The following SRXN1 variants were observed in gnomAD, a reference collection of about 807,000 sequenced individuals.
SRXN1 encodes sulfiredoxin 1.
Under a neutral mutation model 11.0 loss-of-function variants are expected in SRXN1, and 11 were observed. That is an observed-to-expected ratio of 1.00 (90% CI 0.63 to 1.65). The LOEUF is 1.65. Among genes scored for constraint, SRXN1 ranks in the 40% most tolerant of loss-of-function variants. The pLI is 0.00. For synonymous variants in SRXN1, 106 were observed against 92.8 expected, an observed-to-expected ratio of 1.14 and a Z score of -0.82; for missense variants, 211 against 194.5, an observed-to-expected ratio of 1.08 and a Z score of -0.50.
At chr20:652,693 G>A (rs1023975275) in intron 1 of SRXN1, among the ~76,000 whole-genome samples, 1 of 152,222 alleles carries the variant, frequency 6.6e-6, no homozygotes, top group Non-Finnish European at 1.5e-5. Flanking sequence ...GTTGGCATAG[G>A]AAACTGAGGG....
At chr20:652,780 A>C (rs1233123732) in intron 1 of SRXN1, among the ~76,000 whole-genome samples, 196 bp downstream of exon 1, 1 of 152,140 alleles carries the variant, frequency 6.6e-6, no homozygotes, top group Non-Finnish European at 1.5e-5. Flanking sequence ...ATCTCGCCCA[A>C]TTCCCTCCTT....
chr20:651,091 T>C (rs1016992518), intron 1 of SRXN1, among the ~76,000 whole-genome samples: 2 of 152,208 alleles, frequency 1.3e-5, no homozygotes, highest in Admixed American at 6.5e-5. Flanking sequence ...CTTGGCCTGA[T>C]GTTGCTGGCT....
Position 648,048 on chromosome 20 carries a change from G to A in SRXN1, c.*666C>T, listed in dbSNP as rs755072033. On this transcript the variant is annotated 3_prime_UTR_variant, in exon 2 of 2. Coordinates refer to ENST00000381962, the MANE Select transcript of SRXN1 (RefSeq NM_080725.3). ...CTAAGTGAAGATATGCAGAGGGAGA[G>A]AGCAGGAAACAGACTTCTGACGAGG... is the stretch of plus-strand genomic sequence containing the variant. 1 of 456,160 alleles carries A rather than the reference G, an allele frequency of 2.2e-6. No homozygotes were observed. 28.3% of individuals were successfully genotyped at this position (456,160 alleles called of 1,614,324 possible).
At position 648,471 on chromosome 20, in the gene SRXN1, C is replaced by A. The variant is rs1253617705; in HGVS notation, c.*243G>T. 1 of 649,718 alleles carries A rather than the reference C, an allele frequency of 1.5e-6. No homozygotes were observed. Among genetic ancestry groups the A allele is most frequent in the Admixed American group, 2.1e-5 (1 of 47,450 alleles). 40.2% of individuals were successfully genotyped at this position (649,718 alleles called of 1,614,324 possible). ...GCTCTTCAAGCCCATCTCTGTTCTC[C>A]TTCTCGGTAATGCTTCAAGGGTAAG... On this transcript the variant is annotated 3_prime_UTR_variant, in exon 2 of 2. Coordinates refer to ENST00000381962, the MANE Select transcript of SRXN1 (RefSeq NM_080725.3).
In SRXN1 at chr20:653,135, C is replaced by CT; in HGVS notation, c.50_51insA (p.Ala18GlyfsTer74). ...CGCTCGGCCCGGGCCCCTCGGGCGCCCCCCGACCCGCGCCGGCCCTGCCCA... is the reference window on the plus strand; with the variant it reads ...CGCTCGGCCCGGGCCCCTCGGGCGCCTCCCCGACCCGCGCCGGCCCTGCCCA... On this transcript the variant is annotated frameshift_variant, in exon 1 of 2. Transcript: ENST00000381962. LOFTEE classifies it high-confidence loss of function. 7.7e-7 allele frequency: 1 copy of CT among 1,291,050 alleles called. No homozygotes were observed. The highest frequency in any genetic ancestry group is 9.7e-7 in the Non-Finnish European group (1 of 1,025,774). The allele number at this position is 1,291,050 out of a possible 1,614,324, so 80.0% of individuals were successfully genotyped here. A position where few individuals can be genotyped will look rare whatever the true frequency, so the allele number is the denominator to read the frequency against.
At chr20:649,504 C>T (rs577860686) in intron 1 of SRXN1, among the ~76,000 whole-genome samples, 17 of 152,236 alleles carry the variant, frequency 1.1e-4, no homozygotes, top group African/African-American at 4.1e-4. Context: ...GAGTTTGAGA[C>T]CAGCCTGGCC....
Position 653,114 on chromosome 20 carries a change from C to A in SRXN1, c.72G>T (p.Pro24=). The part of the protein sequence containing the change: ...AGRGAPEGPG[P]SGGAQGGSIH... ...TGCTGCCGCCCTGCGCGCCGCCGCT[C>A]GGCCCGGGCCCCTCGGGCGCCCCCC... Residue 24 remains proline, a synonymous_variant, in exon 1 of 2, where the codon CCG becomes CCT. Transcript: ENST00000381962. 7.4e-7 allele frequency: 1 copy of A among 1,344,388 alleles called. No homozygotes were observed. The highest frequency in any genetic ancestry group is 1.9e-5 in the South Asian group (1 of 51,516). The allele number at this position is 1,344,388 out of a possible 1,614,324, so 83.3% of individuals were successfully genotyped here.
chr20:652,738 G>C (rs1983705035), intron 1 of SRXN1, among the ~76,000 whole-genome samples: 1 of 152,218 alleles, frequency 6.6e-6, no homozygotes, highest in Non-Finnish European at 1.5e-5. Flanking sequence ...GCAAGCACTA[G>C]CGTTATAAGC....
Position 648,727 on chromosome 20 carries a change from G to A in SRXN1, c.401C>T (p.Pro134Leu), listed in dbSNP as rs757969010. ...CCAAGGAGGCTGCTACTGCAAGTCT[G>A]GTGTGGATGCTCCCAGGTACACCCT... ...DLRVYLGAST[P>L]DLQ The change falls in exon 2 of 2, where the codon CCA becomes CTA. Residue 134 changes from proline (P) to leucine (L), a missense_variant. Coordinates refer to ENST00000381962, the MANE Select transcript of SRXN1 (RefSeq NM_080725.3). 26 of 1,614,102 alleles carry A rather than the reference G, an allele frequency of 1.6e-5. No homozygotes were observed. The highest frequency in any genetic ancestry group is 2.1e-5 in the Non-Finnish European group (25 of 1,180,032).
chr20:649,037 A>T, intron 1 of SRXN1, 120 bp from the exon 2 acceptor site: 1 of 1,032,066 alleles, frequency 9.7e-7, no homozygotes, highest in Non-Finnish European at 1.4e-6. Context: ...ACTGTGAGAG[A>T]CAACTGTTAA....
At chr20:652,616 G>A (rs890631340) in intron 1 of SRXN1, among the ~76,000 whole-genome samples, 1 of 152,132 alleles carries the variant, frequency 6.6e-6, no homozygotes, top group African/African-American at 2.4e-5. Flanking sequence ...CCTGATCTTA[G>A]TCAAGCCGCT....
intron 1 of SRXN1, among the ~76,000 whole-genome samples, chr20:650,492 G>A (rs1342276674): frequency 6.6e-6 from 1 of 152,222 alleles, no homozygotes; most frequent in Non-Finnish European, 1.5e-5. Context: ...GTCTGGGGCA[G>A]GACGGGTGCA....
rs1364081706 is a variant in SRXN1 at position 653,160 on chromosome 20, A to G, written c.26T>C (p.Leu9Pro). The stretch of plus-strand genomic sequence containing the variant: ...CCCCCGACCCGCGCCGGCCCTGCCC[A>G]GCGTTCCTCCTGCACGCAGCCCCAT... MGLRAGGT[L>P]GRAGAGRGAP... is the part of the protein sequence containing the mutation. Residue 9 changes from leucine (L) to proline (P), a missense_variant, in exon 1 of 2, where the codon CTG becomes CCG. By Grantham distance (98) the Leu-to-Pro change is moderately conservative. Transcript: ENST00000381962. The G allele has an allele frequency of 9.4e-6, 12 of 1,274,468 alleles. No homozygotes were observed. The highest frequency in any genetic ancestry group is 7.9e-5 in the African/African-American group (5 of 63,136). The allele number at this position is 1,274,468 out of a possible 1,614,324, so 78.9% of individuals were successfully genotyped here.
At chr20:652,239 G>A (rs1238936871) in intron 1 of SRXN1, among the ~76,000 whole-genome samples, 1 of 152,138 alleles carries the variant, frequency 6.6e-6, no homozygotes, top group Non-Finnish European at 1.5e-5. Flanking sequence ...GTTATCGGGG[G>A]TGGCTGTAGA....
rs1299240565 is a variant in SRXN1, at chr20:653,165, T to C, written c.21A>G (p.Gly7=). 2 of 1,273,494 alleles carry C rather than the reference T, an allele frequency of 1.6e-6. No individual in the cohort carries two copies. The highest frequency in any genetic ancestry group is 9.9e-7 in the Non-Finnish European group (1 of 1,013,350). The allele number at this position is 1,273,494 out of a possible 1,614,324, so 78.9% of individuals were successfully genotyped here. MGLRAG[G]TLGRAGAGRG... The stretch of plus-strand genomic sequence containing the variant: ...GACCCGCGCCGGCCCTGCCCAGCGT[T>C]CCTCCTGCACGCAGCCCCATCGTCG... The change falls in exon 1 of 2, where the codon GGA becomes GGG. Residue 7 remains glycine (G), a synonymous_variant. Coordinates refer to ENST00000381962, the MANE Select transcript of SRXN1 (RefSeq NM_080725.3).
chr20:650,257 G>C (rs1983639086), intron 1 of SRXN1, among the ~76,000 whole-genome samples: 1 of 152,238 alleles, frequency 6.6e-6, no homozygotes. Context: ...CTGGAAGGCA[G>C]AGGGGAGGCC....
At chr20:649,128 T>C (rs893688664) in intron 1 of SRXN1, among the ~76,000 whole-genome samples, 8 of 152,168 alleles carry the variant, frequency 5.3e-5, no homozygotes, top group Admixed American at 2.0e-4. Flanking sequence ...ACCAGAGAAA[T>C]GGACAGATGC....
Position 648,354 on chromosome 20 carries a change from C to T in SRXN1, c.*360G>A, listed in dbSNP as rs1163678515. On this transcript the variant is annotated 3_prime_UTR_variant, in exon 2 of 2. Transcript: ENST00000381962. ...ACCACTGCAATCAAGGTTTTCCTTT[C>T]CTTGCAGCTGAATGTAGTCCATATA... The T allele has an allele frequency of 2.1e-6, 1 of 483,568 alleles. No homozygotes were observed. The highest frequency in any genetic ancestry group is 4.1e-6 in the Non-Finnish European group (1 of 245,700). The allele number at this position is 483,568 out of a possible 1,614,324, so 30.0% of individuals were successfully genotyped here.
rs1346116021 is a variant in SRXN1 at position 646,997 on chromosome 20, A to G, written c.*1717T>C. The G allele has an allele frequency of 6.6e-6, 1 of 152,232 alleles. No homozygotes were observed. The highest frequency in any genetic ancestry group is 1.5e-5 in the Non-Finnish European group (1 of 68,050). The allele number at this position is 152,232 out of a possible 1,614,324, so 9.4% of individuals were successfully genotyped here. ...ATTGAACTGGAGAAACTGAGGCTTA[A>G]AAGTGCCGAGTGACCAAGTTCCCTT... On this transcript the variant is annotated 3_prime_UTR_variant, in exon 2 of 2. Transcript: ENST00000381962.
Sources: allele counts gnomAD v4.1 joint callset (sites outside exome capture counted in the v4.1 genomes callset), GRCh38; gene constraint gnomAD v4.1.1; transcripts MANE v1.5; gene names NCBI Gene and HGNC (gene_info 2026-07-23, HGNC 2026-07-21).